The following GBE1 variants were observed in gnomAD, a reference collection of about 807,000 sequenced individuals.
The protein encoded by GBE1 is 1,4-alpha-glucan branching enzyme 1, also known as 1,4-alpha-glucan-branching enzyme.
A neutral mutation model predicts 88.8 loss-of-function variants in GBE1; 70 were observed. The ratio of observed to expected loss-of-function variants is 0.79; its 90% CI spans 0.65 to 0.96. The LOEUF (loss-of-function observed/expected upper bound fraction) is 0.96. Ranked by LOEUF, GBE1 falls within the 40% of genes least tolerant of loss-of-function variation. The probability of loss-of-function intolerance (pLI) is 0.00; values close to 1 mark genes in which losing one functional copy is unlikely to be tolerated. For synonymous variants in GBE1, 284 were observed against 300.1 expected (o/e 0.95, Z 0.56); for missense variants, 872 against 871.0 (o/e 1.00, Z -0.01).
At chr3:81,520,095 G>C (rs919781537) in intron 14 of GBE1, among the ~76,000 whole-genome samples, 4 of 151,444 alleles carry the variant, frequency 2.6e-5, no homozygotes, top group East Asian at 1.9e-4. Context: ...TGGAGGGAAG[G>C]CTTCAGTTAA....
At chr3:81,611,750 G>C (rs1014984550) in intron 7 of GBE1, among the ~76,000 whole-genome samples, 3 of 152,146 alleles carry the variant, frequency 2.0e-5, no homozygotes, top group Non-Finnish European at 1.5e-5. Flanking sequence ...TAATTGGACA[G>C]CTCTCAAGCT....
At chr3:81,611,186 A>G (rs1704177966) in intron 7 of GBE1, among the ~76,000 whole-genome samples, 1 of 152,138 alleles carries the variant, frequency 6.6e-6, no homozygotes, top group South Asian at 2.1e-4. Flanking sequence ...ACACAATTGC[A>G]CTTTTCAAGT....
At chr3:81,750,390 T>C (rs560969791) in intron 1 of GBE1, among the ~76,000 whole-genome samples, 9 of 150,768 alleles carry the variant, frequency 6.0e-5, no homozygotes, top group African/African-American at 2.0e-4. Context: ...ATTTTTAATT[T>C]TGTTCTCCTT....
chr3:81,545,398 A>G (rs906590495), intron 12 of GBE1, among the ~76,000 whole-genome samples: 2 of 152,160 alleles, frequency 1.3e-5, no homozygotes, highest in African/African-American at 2.4e-5. Flanking sequence ...GTTTTCCTCT[A>G]TAATTATTAA....
chr3:81,610,601 G>C (rs1352819698), intron 7 of GBE1, among the ~76,000 whole-genome samples: 1 of 152,084 alleles, frequency 6.6e-6, no homozygotes, highest in Non-Finnish European at 1.5e-5. Flanking sequence ...TATGGCCCAG[G>C]AACTTCAGAG....
intron 12 of GBE1, among the ~76,000 whole-genome samples, chr3:81,547,459 T>A (rs994187970): frequency 6.6e-6 from 1 of 151,440 alleles, no homozygotes; most frequent in Admixed American, 6.6e-5. Flanking sequence ...TTTTCCTCCC[T>A]CAAAGGGGAA....
intron 7 of GBE1, among the ~76,000 whole-genome samples, chr3:81,626,589 A>T (rs1704419690): frequency 6.6e-6 from 1 of 152,034 alleles, no homozygotes; most frequent in African/African-American, 2.4e-5. Context: ...CCAGGGAACT[A>T]CTCCAGGCAA....
intron 12 of GBE1, among the ~76,000 whole-genome samples, chr3:81,553,379 G>T (rs1045248258): frequency 6.6e-6 from 1 of 151,826 alleles, no homozygotes; most frequent in Non-Finnish European, 1.5e-5. Flanking sequence ...GCATTATGCT[G>T]TGTTTTGTAT....
intron 2 of GBE1, among the ~76,000 whole-genome samples, chr3:81,695,853 AAATAATACATCTG>A (rs1559690633): frequency 6.6e-6 from 1 of 152,208 alleles, no homozygotes; most frequent in Non-Finnish European, 1.5e-5. Flanking sequence ...CCTGATCGCT[AAATAATACATCTG>A]AAGCGATTCC....
intron 14 of GBE1, among the ~76,000 whole-genome samples, chr3:81,513,416 A>G (rs1702750911): frequency 6.6e-6 from 1 of 151,562 alleles, no homozygotes; most frequent in South Asian, 2.1e-4. Context: ...GAACTAGGAC[A>G]TGCGAAAAAA....
At chr3:81,568,324 T>C (rs1292021236) in intron 12 of GBE1, among the ~76,000 whole-genome samples, 2 of 152,142 alleles carry the variant, frequency 1.3e-5, no homozygotes, top group Non-Finnish European at 2.9e-5. Flanking sequence ...ATTTTTGTAT[T>C]TTTAGTAGAG....
At chr3:81,541,467 G>A (rs907997226) in intron 12 of GBE1, among the ~76,000 whole-genome samples, 3 of 136,436 alleles carry the variant, frequency 2.2e-5, no homozygotes, top group South Asian at 2.3e-4. Context: ...CCGCCACCTC[G>A]CCCAAATTCA....
chr3:81,721,607 T>C (rs4398458), intron 1 of GBE1, among the ~76,000 whole-genome samples: 2,398 of 152,282 alleles, frequency 0.016, 57 homozygotes, highest in African/African-American at 0.054. Flanking sequence ...TTATACAGTA[T>C]TATAAATTTA....
chr3:81,552,831 A>C (rs1413978983), intron 12 of GBE1, among the ~76,000 whole-genome samples: 1 of 152,206 alleles, frequency 6.6e-6, no homozygotes, highest in African/African-American at 2.4e-5. Flanking sequence ...ATTTATTGAG[A>C]GCCTCCTATA....
rs753585198 is a variant in GBE1 at position 81,499,090 on chromosome 3, A to G, written c.2052+20T>C. 14 of 1,223,960 alleles carry G rather than the reference A, an allele frequency of 1.1e-5. No individual in the cohort carries two copies. In the East Asian group the frequency reaches 3.3e-4, roughly 29 times the overall value. 75.8% of individuals were successfully genotyped at this position (1,223,960 alleles called of 1,614,324 possible). A position where few individuals can be genotyped will look rare whatever the true frequency, so the allele number is the denominator to read the frequency against. On this transcript the variant is annotated intron_variant, in intron 15 of 15. Transcript: ENST00000429644. ...AGAGTAAATTAAAATAGCAGGAAAT[A>G]TGTTGAGAAACTTACTTACCAAAAG...
rs563922677 is a variant in GBE1, at chr3:81,521,941, C to T, written c.1934+13254G>A. On this transcript the variant is annotated intron_variant, in intron 14 of 15. Transcript: ENST00000429644. ...GCCAGGAAAGCTAATGCAACTTTAACTCCATGAATAAGAGAGCAGCATCAA... is the reference window on the plus strand; with the variant it reads ...GCCAGGAAAGCTAATGCAACTTTAATTCCATGAATAAGAGAGCAGCATCAA... Among the ~76,000 whole-genome samples, 13 of 151,578 alleles carry T rather than the reference C, an allele frequency of 8.6e-5. No homozygotes were observed. In the East Asian group the frequency reaches 2.3e-3, roughly 27 times the overall value.
chr3:81,536,683 G>A (rs148476872), intron 13 of GBE1, among the ~76,000 whole-genome samples: 2 of 151,926 alleles, frequency 1.3e-5, no homozygotes, highest in African/African-American at 2.4e-5. Flanking sequence ...AATTTAAACA[G>A]TAACAAACAA....
Position 81,537,030 on chromosome 3 carries a change from A to G in GBE1, c.1684T>C (p.Tyr562His), listed in dbSNP as rs750478545. 17 of 1,587,032 alleles carry G rather than the reference A, an allele frequency of 1.1e-5. No homozygotes were observed. Among genetic ancestry groups the G allele is most frequent in the Admixed American group, 1.8e-5 (1 of 55,840 alleles). ...PRKGNNESYH[Y>H]ARRQFHLTDD... The stretch of plus-strand genomic sequence containing the variant: ...GTTAAATGAAACTGCCGCCTGGCAT[A>G]ATGGTAACTCTCATTATTTCCTTTT... Residue 562 changes from tyrosine (Y) to histidine (H), a missense_variant, in exon 13 of 16, where the codon TAT becomes CAT. By Grantham distance (83) the Tyr-to-His change is moderately conservative. Coordinates refer to ENST00000429644, the MANE Select transcript of GBE1 (RefSeq NM_000158.4).
At chr3:81,500,621 T>G (rs1702574115) in intron 14 of GBE1, among the ~76,000 whole-genome samples, 1 of 152,130 alleles carries the variant, frequency 6.6e-6, no homozygotes, top group Non-Finnish European at 1.5e-5. Flanking sequence ...GGCAAGCATA[T>G]CATCAAAAGC....
Sources: allele counts gnomAD v4.1 joint callset (sites outside exome capture counted in the v4.1 genomes callset), GRCh38; gene constraint gnomAD v4.1.1; transcripts MANE v1.5; gene names NCBI Gene and HGNC (gene_info 2026-07-23, HGNC 2026-07-21).